SFMBT1: variants seen among roughly 807,000 people sequenced by gnomAD.
The protein encoded by SFMBT1 is Scm like with four mbt domains 1, also known as scm-like with four MBT domains protein 1.
In SFMBT1, 32 loss-of-function variants were observed where a neutral mutation model predicts 108.7. That is an observed-to-expected ratio of 0.29 (90% CI 0.22 to 0.40). The LOEUF (loss-of-function observed/expected upper bound fraction) is 0.40, where lower values mean the gene tolerates loss of function less well. Among genes scored for constraint, SFMBT1 ranks in the 10% least tolerant of loss-of-function variants. The probability of loss-of-function intolerance (pLI) is 1.00; values close to 1 mark genes in which losing one functional copy is unlikely to be tolerated. For synonymous variants in SFMBT1, 348 were observed against 369.5 expected (o/e 0.94, Z 0.67); for missense variants, 816 against 1,059.6 (o/e 0.77, Z 3.19).
chr3:52,937,027 G>A (rs1032959617), intron 4 of SFMBT1, among the ~76,000 whole-genome samples: 1 of 151,488 alleles, frequency 6.6e-6, no homozygotes, highest in Non-Finnish European at 1.5e-5. Context: ...ATTTTTAGCA[G>A]AGACGGGGTT....
At chr3:53,016,339 G>A (rs1699125415) in intron 1 of SFMBT1, among the ~76,000 whole-genome samples, 1 of 152,142 alleles carries the variant, frequency 6.6e-6, no homozygotes, top group South Asian at 2.1e-4. Flanking sequence ...TCAAGCCAAA[G>A]ACATGTCAAT....
At chr3:53,028,599 G>A (rs555422650) in intron 1 of SFMBT1, among the ~76,000 whole-genome samples, 1 of 152,236 alleles carries the variant, frequency 6.6e-6, no homozygotes, top group Admixed American at 6.5e-5. Flanking sequence ...CTTGAGTCCA[G>A]GAGTTGGAGG....
At chr3:52,910,237 A>T (rs1702183529) in intron 17 of SFMBT1, among the ~76,000 whole-genome samples, 1 of 152,170 alleles carries the variant, frequency 6.6e-6, no homozygotes. Flanking sequence ...CATTAAAGGT[A>T]AACTCACTGA....
chr3:52,974,012 C>T (rs1022476835), intron 1 of SFMBT1, among the ~76,000 whole-genome samples: 30 of 152,086 alleles, frequency 2.0e-4, no homozygotes, highest in African/African-American at 7.0e-4. Context: ...GGGGAAGTTG[C>T]AATAATGCAA....
chr3:53,006,339 A>G (rs191749479), intron 1 of SFMBT1, among the ~76,000 whole-genome samples: 87 of 152,272 alleles, frequency 5.7e-4, no homozygotes, highest in African/African-American at 2.0e-3. Flanking sequence ...TAGCAATCAT[A>G]AAGAGTCCAG....
intron 1 of SFMBT1, among the ~76,000 whole-genome samples, chr3:53,000,845 A>T (rs994602651): frequency 6.0e-5 from 9 of 150,376 alleles, no homozygotes; most frequent in South Asian, 2.1e-4. Context: ...AATTACAAAA[A>T]TTTTTTAATG....
chr3:53,005,243 A>C (rs1698698443), intron 1 of SFMBT1, among the ~76,000 whole-genome samples: 1 of 152,232 alleles, frequency 6.6e-6, no homozygotes, highest in Non-Finnish European at 1.5e-5. Flanking sequence ...AATGATGACT[A>C]CCAAATGCTC....
At chr3:53,017,896 G>A (rs1261542733) in intron 1 of SFMBT1, among the ~76,000 whole-genome samples, 2 of 152,032 alleles carry the variant, frequency 1.3e-5, no homozygotes, top group Non-Finnish European at 2.9e-5. Flanking sequence ...TCTTTAATAC[G>A]AACTGGAAGT....
At chr3:52,934,772 G>A in intron 5 of SFMBT1, 41 bp downstream of exon 5, 1 of 1,512,886 alleles carries the variant, frequency 6.6e-7, no homozygotes, top group Non-Finnish European at 9.1e-7. Context: ...TGAAAGATCA[G>A]ATGGGTTTTC....
chr3:53,036,908 A>C (rs935182045), intron 1 of SFMBT1, among the ~76,000 whole-genome samples: 1 of 152,046 alleles, frequency 6.6e-6, no homozygotes, highest in Non-Finnish European at 1.5e-5. Context: ...TTGGCTAGGG[A>C]GCAGCTCAAA....
chr3:52,916,438 C>T (rs573942088), intron 13 of SFMBT1, among the ~76,000 whole-genome samples: 72 of 147,638 alleles, frequency 4.9e-4, no homozygotes, highest in African/African-American at 1.7e-3. Context: ...GGGAGGCTGA[C>T]GTGGGCGGGT....
intron 1 of SFMBT1, among the ~76,000 whole-genome samples, chr3:52,971,023 T>C (rs1015106363): frequency 3.3e-5 from 5 of 151,992 alleles, no homozygotes; most frequent in Non-Finnish European, 7.4e-5. Context: ...CAGTCCCAGC[T>C]ACTTGGGTGG....
intron 1 of SFMBT1, among the ~76,000 whole-genome samples, chr3:53,007,224 T>C (rs1408542246): frequency 6.6e-6 from 1 of 152,202 alleles, no homozygotes; most frequent in Non-Finnish European, 1.5e-5. Flanking sequence ...ACAATTTTAA[T>C]ACCTCTACTT....
At chr3:52,963,238 G>A (rs993857571) in intron 2 of SFMBT1, among the ~76,000 whole-genome samples, 1 of 151,520 alleles carries the variant, frequency 6.6e-6, no homozygotes, top group Admixed American at 6.6e-5. Flanking sequence ...CAGGTGGTCC[G>A]CCCGCCTCGC....
chr3:52,971,028 G>C (rs965789362), intron 1 of SFMBT1, among the ~76,000 whole-genome samples: 3 of 152,088 alleles, frequency 2.0e-5, no homozygotes, highest in African/African-American at 7.2e-5. Flanking sequence ...CCAGCTACTT[G>C]GGTGGCTGAG....
rs75286273 is a variant in SFMBT1 at position 53,032,879 on chromosome 3, C to A, written c.-131+12937G>T. ...GGTGGTTAATGCAACCTGAGGGAGT[C>A]CAGGAGGGAAGGCTTCACAGAAGCC... On this transcript the variant is annotated intron_variant, in intron 1 of 20. Transcript: ENST00000394752. Among the ~76,000 whole-genome samples, 196 of 152,242 alleles carry A rather than the reference C, an allele frequency of 1.3e-3. 1 individual carries two copies. The highest frequency in any genetic ancestry group is 4.6e-3 in the African/African-American group (189 of 41,536).
chr3:52,993,209 T>TA (rs1705199758), intron 1 of SFMBT1, among the ~76,000 whole-genome samples: 1 of 133,590 alleles, frequency 7.5e-6, no homozygotes, highest in Admixed American at 7.8e-5. Context: ...CAAATCCCTA[T>TA]AAAAAACATG....
intron 1 of SFMBT1, among the ~76,000 whole-genome samples, chr3:53,044,246 C>T (rs558137406): frequency 6.6e-6 from 1 of 152,192 alleles, no homozygotes; most frequent in Non-Finnish European, 1.5e-5. Context: ...ACTGTGATTT[C>T]TAAGAATCTT....
chr3:53,006,628 C>CAAAAAAAAAAAAAA (rs145854514), intron 1 of SFMBT1, among the ~76,000 whole-genome samples: 1 of 126,314 alleles, frequency 7.9e-6, no homozygotes, highest in South Asian at 2.8e-4. Context: ...AACTCCGTCT[C>CAAAAAAAAAAAAAA]AAAAAAAAAA....
Sources: gnomAD v4.1 joint callset for allele counts (sites outside exome capture counted in the v4.1 genomes callset) on GRCh38, gnomAD v4.1.1 for gene constraint, MANE v1.5 for transcripts, NCBI Gene and HGNC (gene_info 2026-07-23, HGNC 2026-07-21) for gene names.